The following PTPRG variants were observed in gnomAD, a reference collection of about 807,000 sequenced individuals.
The protein encoded by PTPRG is receptor-type tyrosine-protein phosphatase gamma.
A neutral mutation model predicts 165.3 loss-of-function variants in PTPRG; 102 were observed. The ratio of observed to expected loss-of-function variants is 0.62; its 90% CI spans 0.53 to 0.73. The LOEUF is 0.73. PTPRG is among the 30% of genes least tolerant of loss of function. The pLI, the probability that PTPRG is intolerant of heterozygous loss-of-function variation, is 0.00. For synonymous variants in PTPRG, 675 were observed against 669.5 expected (o/e 1.01, Z -0.13); for missense variants, 1,866 against 1,861.4 (o/e 1.00, Z -0.05).
intron 1 of PTPRG, among the ~76,000 whole-genome samples, chr3:61,664,866 A>G (rs2107040869): frequency 6.6e-6 from 1 of 152,318 alleles, no homozygotes; most frequent in Middle Eastern, 3.4e-3. Context: ...AAAAAATAAA[A>G]AAGCATTTAG....
intron 4 of PTPRG, among the ~76,000 whole-genome samples, chr3:62,052,055 G>C (rs1700484843): frequency 6.6e-6 from 1 of 152,168 alleles, no homozygotes; most frequent in South Asian, 2.1e-4. Context: ...ATCTGACATG[G>C]AGCTGGGCAT....
intron 5 of PTPRG, among the ~76,000 whole-genome samples, chr3:62,117,568 C>T (rs1224726220): frequency 1.3e-5 from 2 of 152,048 alleles, no homozygotes; most frequent in African/African-American, 4.8e-5. Flanking sequence ...TAGAAGCCTC[C>T]CCGGTTGGTA....
chr3:62,122,141 C>T (rs1260250733), intron 5 of PTPRG, among the ~76,000 whole-genome samples: 1 of 152,182 alleles, frequency 6.6e-6, no homozygotes, highest in Non-Finnish European at 1.5e-5. Context: ...TAACCCCCCA[C>T]CCTGAAAAAA....
At chr3:62,012,809 C>T (rs1054550006) in intron 4 of PTPRG, among the ~76,000 whole-genome samples, 1 of 152,118 alleles carries the variant, frequency 6.6e-6, no homozygotes, top group Non-Finnish European at 1.5e-5. Flanking sequence ...GAAAGGGCTT[C>T]AAATGTTCAG....
intron 2 of PTPRG, among the ~76,000 whole-genome samples, chr3:61,971,369 G>C (rs964306286): frequency 2.0e-5 from 3 of 152,102 alleles, no homozygotes; most frequent in Non-Finnish European, 4.4e-5. Flanking sequence ...GGTCTCATTG[G>C]GACCATGTCA....
chr3:61,778,768 G>A (rs2034459071), intron 2 of PTPRG, among the ~76,000 whole-genome samples: 1 of 152,122 alleles, frequency 6.6e-6, no homozygotes, highest in Non-Finnish European at 1.5e-5. Flanking sequence ...TTTAGGCAAT[G>A]GTGAGGGGAA....
At chr3:61,594,396 C>T (rs1250836369) in intron 1 of PTPRG, among the ~76,000 whole-genome samples, 1 of 151,908 alleles carries the variant, frequency 6.6e-6, no homozygotes, top group Non-Finnish European at 1.5e-5. Context: ...GCCTGAGGTG[C>T]AGATAGGCTC....
intron 2 of PTPRG, among the ~76,000 whole-genome samples, chr3:61,945,591 G>GAAAAAAAAAAAAAAAAAAAAAA (rs1575811884): frequency 9.3e-6 from 1 of 107,030 alleles, no homozygotes; most frequent in African/African-American, 3.8e-5. Flanking sequence ...AAAAAAAAAT[G>GAAAAAAAAAAAAAAAAAAAAAA]GAAAAAACAT....
intron 10 of PTPRG, among the ~76,000 whole-genome samples, chr3:62,200,774 A>G (rs926334820): frequency 1.3e-5 from 2 of 152,248 alleles, no homozygotes; most frequent in Non-Finnish European, 2.9e-5. Context: ...ATTTTAAAAT[A>G]TAGGTAGGAA....
At chr3:61,762,958 AT>A (rs576691965) in intron 2 of PTPRG, among the ~76,000 whole-genome samples, 54 of 152,230 alleles carry the variant, frequency 3.5e-4, no homozygotes, top group Admixed American at 6.5e-4. Flanking sequence ...TAGATGTCAA[AT>A]ACTGAGTACA....
chr3:61,755,991 T>G (rs1395642594), intron 2 of PTPRG, among the ~76,000 whole-genome samples: 3 of 152,154 alleles, frequency 2.0e-5, no homozygotes, highest in Non-Finnish European at 4.4e-5. Context: ...ACTGGGGATT[T>G]GAGAATGAAA....
intron 2 of PTPRG, among the ~76,000 whole-genome samples, chr3:61,931,550 C>A (rs1256412223): frequency 1.3e-5 from 2 of 152,158 alleles, no homozygotes; most frequent in African/African-American, 4.8e-5. Flanking sequence ...TGTCCCGGGC[C>A]CAAATGGGTT....
At chr3:61,671,873 T>G (rs1207513861) in intron 1 of PTPRG, among the ~76,000 whole-genome samples, 51 of 111,232 alleles carry the variant, frequency 4.6e-4, no homozygotes, top group Middle Eastern at 6.7e-3. Context: ...CCTCCCGGAC[T>G]GGGCGGCTGG....
intron 6 of PTPRG, among the ~76,000 whole-genome samples, chr3:62,140,740 A>ACT (rs1467543721): frequency 6.6e-6 from 1 of 151,514 alleles, no homozygotes; most frequent in African/African-American, 2.4e-5. Context: ...CCAGCTACTC[A>ACT]GGAGACTGAG....
At chr3:62,286,812 C>T (rs1702681677) in intron 28 of PTPRG, among the ~76,000 whole-genome samples, 1 of 152,064 alleles carries the variant, frequency 6.6e-6, no homozygotes, top group African/African-American at 2.4e-5. Context: ...TGCACCAAGT[C>T]CCTGTAGTTT....
chr3:61,567,579 T>C lies in PTPRG; in HGVS notation c.85+5207T>C, dbSNP rs57530556. ...TACTTGGGAGGCCAAGATGGGAGGA[T>C]TGCTTGAGCCCACGAGGTTGAGGCC... On this transcript the variant is annotated intron_variant, in intron 1 of 29. Coordinates refer to ENST00000474889, the MANE Select transcript of PTPRG (RefSeq NM_002841.4). Among the ~76,000 whole-genome samples the C allele has an allele frequency of 7.3e-3, 1,100 of 151,268 alleles. 16 individuals are homozygous for C. Among genetic ancestry groups the C allele is most frequent in the African/African-American group, 0.025 (1,045 of 41,084 alleles).
rs969254812 is a variant in PTPRG at position 61,631,915 on chromosome 3, A to G, written c.85+69543A>G. Among the ~76,000 whole-genome samples, 7 of 152,222 alleles carry G rather than the reference A, an allele frequency of 4.6e-5. No individual in the cohort carries two copies. In the South Asian group the frequency reaches 8.3e-4, roughly 18 times the overall value. ...GGAAATGTAAATAATCAATTGCTGT[A>G]AAATGATATAGATGCTCTGATTGTA... On this transcript the variant is annotated intron_variant, in intron 1 of 29. Transcript: ENST00000474889.
At chr3:62,144,978 C>T (rs1704066197) in intron 6 of PTPRG, among the ~76,000 whole-genome samples, 1 of 151,870 alleles carries the variant, frequency 6.6e-6, no homozygotes, top group Admixed American at 6.6e-5. Flanking sequence ...ATGCCGTTTT[C>T]CTGCTTGTTT....
At chr3:61,935,225 A>C (rs943880766) in intron 2 of PTPRG, among the ~76,000 whole-genome samples, 4 of 152,090 alleles carry the variant, frequency 2.6e-5, no homozygotes, top group Admixed American at 2.0e-4. Flanking sequence ...ACCTCCAAAC[A>C]CATTCCAGTT....
Sources: gnomAD v4.1 joint callset for allele counts (sites outside exome capture counted in the v4.1 genomes callset) on GRCh38, gnomAD v4.1.1 for gene constraint, MANE v1.5 for transcripts, NCBI Gene and HGNC (gene_info 2026-07-23, HGNC 2026-07-21) for gene names.